Variants in SHC4 observed in about 807,000 individuals in gnomAD.
The protein encoded by SHC4 is SHC-transforming protein 4.
A neutral mutation model predicts 69.4 loss-of-function variants in SHC4; 41 were observed. That is an observed-to-expected ratio of 0.59 (90% confidence interval 0.46 to 0.77). The LOEUF is 0.77. Among genes scored for constraint, SHC4 ranks in the 30% least tolerant of loss-of-function variants. SHC4 has a pLI of 0.00. For synonymous variants in SHC4, 318 were observed against 299.3 expected (o/e 1.06, Z -0.64); for missense variants, 777 against 783.8 (o/e 0.99, Z 0.10).
At position 48,825,002 on chromosome 15, in the gene SHC4, T is replaced by C. The variant is rs758402054; in HGVS notation, c.*969A>G. 6.6e-6 allele frequency: 1 copy of C among 152,642 alleles called. No homozygotes were observed. Among genetic ancestry groups the C allele is most frequent in the South Asian group, 2.1e-4 (1 of 4,832 alleles). 9.5% of individuals were successfully genotyped at this position (152,642 alleles called of 1,614,324 possible). A position where few individuals can be genotyped will look rare whatever the true frequency, so the allele number is the denominator to read the frequency against. On this transcript the variant is annotated 3_prime_UTR_variant, in exon 12 of 12. Transcript: ENST00000332408. ...AAGGATATATGTAGGTGAGAAACTA[T>C]GATTCAGTGTCAGCCAATCAAGAAG...
intron 2 of SHC4, among the ~76,000 whole-genome samples, chr15:48,908,197 A>G (rs1212008219): frequency 3.3e-5 from 5 of 152,106 alleles, no homozygotes; most frequent in Admixed American, 2.0e-4. Flanking sequence ...TCTTCACCAC[A>G]TCCACGCCAA....
At chr15:48,921,006 GGAAGA>G (rs1029120687) in intron 2 of SHC4, among the ~76,000 whole-genome samples, 101 of 152,128 alleles carry the variant, frequency 6.6e-4, no homozygotes, top group African/African-American at 2.4e-3. Flanking sequence ...AAGAGGCAGA[GGAAGA>G]GAAGAGAATG....
intron 11 of SHC4, among the ~76,000 whole-genome samples, chr15:48,834,083 C>T (rs758907705): frequency 7.2e-5 from 11 of 152,216 alleles, no homozygotes; most frequent in Non-Finnish European, 1.3e-4. Context: ...TCCCCACTGC[C>T]TGGCAAATTA....
chr15:48,849,201 G>T (rs1365253479), intron 9 of SHC4, among the ~76,000 whole-genome samples: 4 of 151,960 alleles, frequency 2.6e-5, no homozygotes, highest in African/African-American at 9.7e-5. Flanking sequence ...TAGTTCTGGT[G>T]CCCATTTATT....
At chr15:48,881,096 A>T (rs4775782) in intron 4 of SHC4, among the ~76,000 whole-genome samples, 2 of 151,680 alleles carry the variant, frequency 1.3e-5, no homozygotes, top group Non-Finnish European at 2.9e-5. Flanking sequence ...TTTAAAGAAG[A>T]TTTTGAGTAC....
At chr15:48,926,777 C>T (rs1900861362) in intron 1 of SHC4, among the ~76,000 whole-genome samples, 1 of 152,086 alleles carries the variant, frequency 6.6e-6, no homozygotes, top group Non-Finnish European at 1.5e-5. Flanking sequence ...AATAGTATTT[C>T]TGAGCAGATT....
intron 2 of SHC4, among the ~76,000 whole-genome samples, chr15:48,922,632 T>C (rs1205720278): frequency 2.0e-5 from 3 of 152,326 alleles, no homozygotes; most frequent in African/African-American, 7.2e-5. Context: ...TCTTGATACT[T>C]TCACACTGGG....
At chr15:48,837,038 T>C (rs1312302741) in intron 10 of SHC4, among the ~76,000 whole-genome samples, 1 of 152,148 alleles carries the variant, frequency 6.6e-6, no homozygotes, top group East Asian at 1.9e-4. Flanking sequence ...TGTGTGTTTG[T>C]GTGTGTGAAA....
rs1376574395 is a variant in SHC4 at position 48,897,755 on chromosome 15, T to TCACACACACACACA, written c.657-6945_657-6944insTGTGTGTGTGTGTG. ...AATGATCCCCACATCCCCCACCTTC[T>TCACACACACACACA]GACACACACACACACACACACACAC... is the stretch of plus-strand genomic sequence containing the variant. On this transcript the variant is annotated intron_variant, in intron 2 of 11. Coordinates refer to ENST00000332408, the MANE Select transcript of SHC4 (RefSeq NM_203349.4). 7.0e-4 allele frequency among the ~76,000 whole-genome samples: 18 copies of TCACACACACACACA among 25,818 alleles called. 1 individual carries two copies. The East Asian group carries it at 0.074, about 107-fold the overall frequency. 16.9% of individuals were successfully genotyped at this position (25,818 alleles called of 152,430 possible). A position where few individuals can be genotyped will look rare whatever the true frequency, so the allele number is the denominator to read the frequency against.
intron 2 of SHC4, among the ~76,000 whole-genome samples, chr15:48,902,849 C>G (rs1231574667): frequency 1.3e-5 from 2 of 152,110 alleles, no homozygotes; most frequent in Non-Finnish European, 2.9e-5. Context: ...TTTCAAGAGC[C>G]CTCCTAGTAA....
At chr15:48,956,601 A>G (rs942146792) in intron 1 of SHC4, among the ~76,000 whole-genome samples, 1 of 151,340 alleles carries the variant, frequency 6.6e-6, no homozygotes, top group Non-Finnish European at 1.5e-5. Flanking sequence ...GAACTAGCCC[A>G]CCCTTCACCC....
intron 2 of SHC4, among the ~76,000 whole-genome samples, chr15:48,894,650 T>G (rs967160624): frequency 1.3e-5 from 2 of 152,206 alleles, no homozygotes; most frequent in Admixed American, 6.5e-5. Flanking sequence ...GAGTTACCTG[T>G]TTCTATTCCC....
In SHC4 at chr15:48,877,018, C is replaced by T. The variant is rs181152875; in HGVS notation, c.841-4876G>A. ...ATCAACTGCTTGATATTGCAAATGACGGTGGCCTTAAAAGTATGTTTGAGA... is the reference window on the plus strand; with the variant it reads ...ATCAACTGCTTGATATTGCAAATGATGGTGGCCTTAAAAGTATGTTTGAGA... On this transcript the variant is annotated intron_variant, in intron 4 of 11. Transcript: ENST00000332408. 3.6e-4 allele frequency: 55 copies of T among 153,826 alleles called. 1 individual carries two copies. The highest frequency in any genetic ancestry group is 3.4e-3 in the Middle Eastern group (1 of 298). 9.5% of individuals were successfully genotyped at this position (153,826 alleles called of 1,614,324 possible).
intron 1 of SHC4, among the ~76,000 whole-genome samples, chr15:48,945,321 GA>G (rs941370255): frequency 1.7e-3 from 224 of 131,062 alleles, no homozygotes; most frequent in Non-Finnish European, 2.1e-3. Flanking sequence ...ATTTCCATCA[GA>G]AAAAAAAAAA....
intron 4 of SHC4, chr15:48,876,612 C>T: frequency 1.4e-6 from 1 of 696,976 alleles, no homozygotes; most frequent in Non-Finnish European, 2.6e-6. Context: ...AGTCCGAGTT[C>T]TGAAACTGAA....
intron 3 of SHC4, among the ~76,000 whole-genome samples, chr15:48,885,997 G>A (rs1328848736): frequency 4.6e-5 from 7 of 152,190 alleles, no homozygotes; most frequent in Middle Eastern, 3.2e-3. Context: ...GGTGGCTCAC[G>A]CCTGTAATCC....
chr15:48,943,052 T>C (rs992272238), intron 1 of SHC4, among the ~76,000 whole-genome samples: 4 of 152,220 alleles, frequency 2.6e-5, no homozygotes, highest in Non-Finnish European at 5.9e-5. Flanking sequence ...AGAACTGAGA[T>C]AGACAATTCA....
chr15:48,825,875 G>T lies in SHC4; in HGVS notation c.*96C>A. The T allele has an allele frequency of 7.0e-7, 1 of 1,424,672 alleles. No individual in the cohort carries two copies. Among genetic ancestry groups the T allele is most frequent in the Non-Finnish European group, 9.5e-7 (1 of 1,052,056 alleles). 88.3% of individuals were successfully genotyped at this position (1,424,672 alleles called of 1,614,324 possible). A position where few individuals can be genotyped will look rare whatever the true frequency, so the allele number is the denominator to read the frequency against. The stretch of plus-strand genomic sequence containing the variant: ...TGGAAAGATGCACTTCACAGTTTGT[G>T]CTCTATTTTATCTACAAACAAAGTT... On this transcript the variant is annotated 3_prime_UTR_variant, in exon 12 of 12. Transcript: ENST00000332408.
intron 2 of SHC4, among the ~76,000 whole-genome samples, chr15:48,912,932 G>A (rs957349146): frequency 2.8e-5 from 4 of 145,234 alleles, no homozygotes; most frequent in South Asian, 2.4e-4. Context: ...AGAGTCCTGC[G>A]ATGTGAACTG....
Sources: gnomAD v4.1 joint callset for allele counts (sites outside exome capture counted in the v4.1 genomes callset) on GRCh38, gnomAD v4.1.1 for gene constraint, MANE v1.5 for transcripts, NCBI Gene and HGNC (gene_info 2026-07-23, HGNC 2026-07-21) for gene names.